The following GSTK1 variants were observed in gnomAD, a reference collection of about 807,000 sequenced individuals.
GSTK1 encodes GST class-kappa.
GSTK1 carries 25 observed loss-of-function variants against 30.9 expected under a neutral mutation model. The observed-to-expected ratio is 0.81, with a 90% CI of 0.59 to 1.13. The LOEUF (loss-of-function observed/expected upper bound fraction) is 1.13, where lower values mean the gene tolerates loss of function less well. Among genes scored for constraint, GSTK1 ranks in the 50% most tolerant of loss-of-function variants. GSTK1 has a pLI of 0.00. For synonymous variants in GSTK1, 108 were observed against 112.5 expected (o/e 0.96, Z 0.25); for missense variants, 292 against 292.4 (o/e 1.00, Z 0.01).
intron 5 of GSTK1, among the ~76,000 whole-genome samples, chr7:143,266,805 C>T (rs529781059): frequency 7.8e-4 from 119 of 151,682 alleles, no homozygotes; most frequent in Middle Eastern, 6.8e-3. Flanking sequence ...GGACTTCAAG[C>T]ATGTGCCACC....
Position 143,267,546 on chromosome 7 carries a change from C to T in GSTK1, c.421-71C>T, listed in dbSNP as rs1223271847. On this transcript the variant is annotated intron_variant, in intron 5 of 7. Coordinates refer to ENST00000358406, the MANE Select transcript of GSTK1 (RefSeq NM_015917.3). ...ACTTGGGGGCAGAAAATAAAAAGAC[C>T]AGAGTTTTCCTCTGAGATCCCCATC... The T allele has an allele frequency of 2.3e-5, 28 of 1,209,106 alleles. No individual in the cohort carries two copies. The Admixed American group carries it at 5.1e-4, about 22-fold the overall frequency. 74.9% of individuals were successfully genotyped at this position (1,209,106 alleles called of 1,614,324 possible).
rs74640886 is a variant in GSTK1, at chr7:143,264,546, A to G, written c.155-2A>G. The G allele has an allele frequency of 6.2e-7, 1 of 1,613,950 alleles. No homozygotes were observed. Among genetic ancestry groups the G allele is most frequent in the South Asian group, 1.1e-5 (1 of 91,076 alleles). On this transcript the variant is annotated splice_acceptor_variant, in intron 2 of 7. Transcript: ENST00000358406. LOFTEE classifies it high-confidence loss of function. ...TTAGCGTGCCCAACCTTCTCCTGGC[A>G]GGAAACAAGCCTCCAGGTCTGCTTC...
chr7:143,268,494 C>T lies in GSTK1; in HGVS notation c.632-294C>T, dbSNP rs1433249730. ...CGTCTCAAAAAATAAAAAGATTCAA[C>T]CCTGAGCTGCCTTTGACCCCAGCTC... On this transcript the variant is annotated intron_variant, in intron 7 of 7. Transcript: ENST00000358406. The surrounding 1 kb of genome is among the most constrained non-coding windows in gnomAD (Gnocchi z 4.1). Among the ~76,000 whole-genome samples, 1 of 152,018 alleles carries T rather than the reference C, an allele frequency of 6.6e-6. No individual in the cohort carries two copies. The highest frequency in any genetic ancestry group is 1.5e-5 in the Non-Finnish European group (1 of 67,990).
In GSTK1 at chr7:143,264,629, T is replaced by C. The variant is rs769068584; in HGVS notation, c.236T>C (p.Ile79Thr). The change falls in exon 3 of 8, where the codon ATT becomes ACT. Residue 79 changes from isoleucine (I) to threonine (T), a missense_variant. Ile to Thr is a moderately conservative substitution (Grantham distance 89, BLOSUM62 -1). Transcript: ENST00000358406. ...DLKLLRHHLQIPIHFPKDFLS... is the reference protein window; with the variant it reads ...DLKLLRHHLQTPIHFPKDFLS... Reference sequence around the variant, plus strand: ...AAGCTCCTGAGACACCATCTCCAGATTCCCATCCACTTCCCCAAGGATTTC... The same window carrying C: ...AAGCTCCTGAGACACCATCTCCAGACTCCCATCCACTTCCCCAAGGATTTC... 1 of 1,614,068 alleles carries C rather than the reference T, an allele frequency of 6.2e-7. No homozygotes were observed. Among genetic ancestry groups the C allele is most frequent in the Non-Finnish European group, 8.5e-7 (1 of 1,179,950 alleles).
At chr7:143,264,038 A>G (rs1476788666) in intron 1 of GSTK1, 48 bp from the exon 2 acceptor site, 1 of 1,558,846 alleles carries the variant, frequency 6.4e-7, no homozygotes, top group Non-Finnish European at 8.8e-7. Context: ...CGGCTCTTTC[A>G]CTTTTCCATC....
At chr7:143,264,460 G>C (rs967001366) in intron 2 of GSTK1, 88 bp from the exon 3 acceptor site, 2 of 1,336,944 alleles carry the variant, frequency 1.5e-6, no homozygotes, top group Admixed American at 4.1e-5. Flanking sequence ...AAAGGAAGCT[G>C]CCCTCTGCCC....
Position 143,264,123 on chromosome 7 carries a change from T to G in GSTK1, c.110T>G (p.Leu37Arg), listed in dbSNP as rs902055819. 8 of 1,613,896 alleles carry G rather than the reference T, an allele frequency of 5.0e-6. No homozygotes were observed. The highest frequency in any genetic ancestry group is 1.3e-5 in the African/African-American group (1 of 74,894). ...CRYQNIWNIN[L>R]QLRPSLITGI... is the part of the protein sequence containing the mutation. ...TATCAGAATATCTGGAACATCAACC[T>G]GCAGTTGCGGCCCAGCCTCATAACA... The change falls in exon 2 of 8, where the codon CTG (leucine) becomes CGG (arginine). Residue 37 changes from leucine to arginine, a missense_variant. Coordinates refer to ENST00000358406, the MANE Select transcript of GSTK1 (RefSeq NM_015917.3).
chr7:143,268,792 G>C lies in GSTK1; in HGVS notation c.636G>C (p.Glu212Asp). 6.2e-7 allele frequency: 1 copy of C among 1,613,958 alleles called. No individual in the cohort carries two copies. Among genetic ancestry groups the C allele is most frequent in the Non-Finnish European group, 8.5e-7 (1 of 1,179,850 alleles). Reference protein sequence around the residue: ...RMELLAHLLGEKWMGPIPPAV... With the variant: ...RMELLAHLLGDKWMGPIPPAV... ...TCTGTTGTTTTCTTCATCCAGGAGA[G>C]AAGTGGATGGGCCCTATACCTCCAG... Residue 212 changes from glutamate to aspartate, a missense_variant, in exon 8 of 8, where the codon GAG becomes GAC. Transcript: ENST00000358406. This position sits in a 1 kb window ranked among gnomAD's most constrained non-coding sequence, Gnocchi z 4.1.
chr7:143,265,797 A>T (rs1355199653), intron 5 of GSTK1, among the ~76,000 whole-genome samples: 1 of 152,214 alleles, frequency 6.6e-6, no homozygotes, highest in African/African-American at 2.4e-5. Flanking sequence ...GTATAAAAGT[A>T]AGTTTGTCTT....
In GSTK1 at chr7:143,265,262, A is replaced by G; in HGVS notation, c.386A>G (p.Asn129Ser). The G allele has an allele frequency of 1.9e-6, 3 of 1,605,354 alleles. No homozygotes were observed. The African/African-American group carries it at 4.0e-5, about 21-fold the overall frequency. ...CCTGCTGTCTTCTCTTCTTCCCAGA[A>G]TGAAGACATCACCGAGCCGCAGAGC... ...RELWMRVWSR[N>S]EDITEPQSIL... Residue 129 changes from asparagine to serine, a missense_variant and splice_region_variant, in exon 5 of 8, where the codon AAT becomes AGT. Transcript: ENST00000358406.
intron 6 of GSTK1, 74 bp downstream of exon 6, chr7:143,267,807 C>T (rs918945855): frequency 9.6e-7 from 1 of 1,038,986 alleles, no homozygotes; most frequent in African/African-American, 1.6e-5. Context: ...AGTTTGAGTC[C>T]TTATGCTCCT....
At chr7:143,266,148 A>AGAG (rs1019923051) in intron 5 of GSTK1, among the ~76,000 whole-genome samples, 1 of 148,066 alleles carries the variant, frequency 6.8e-6, no homozygotes, top group Non-Finnish European at 1.5e-5. Flanking sequence ...TTCCCACCTC[A>AGAG]GTCTCCTGAG....
chr7:143,265,865 A>G (rs1800860422), intron 5 of GSTK1, among the ~76,000 whole-genome samples: 2 of 152,162 alleles, frequency 1.3e-5, no homozygotes, highest in South Asian at 4.1e-4. Flanking sequence ...AAAAAAAAAT[A>G]GTTGAGACCT....
Position 143,264,653 on chromosome 7 carries a change from T to C in GSTK1, c.260T>C (p.Phe87Ser). Residue 87 changes from phenylalanine to serine, a missense_variant, in exon 3 of 8, where the codon TTC (phenylalanine) becomes TCC (serine). By Grantham distance (155) the Phe-to-Ser change is radical. Coordinates refer to ENST00000358406, the MANE Select transcript of GSTK1 (RefSeq NM_015917.3). ...ATTCCCATCCACTTCCCCAAGGATT[T>C]CTTGTCTGTGATGCTTGAAAAAGGT... is the stretch of plus-strand genomic sequence containing the variant. ...LQIPIHFPKD[F>S]LSVMLEKGSL... 6.2e-7 allele frequency: 1 copy of C among 1,614,116 alleles called. No homozygotes were observed. Among genetic ancestry groups the C allele is most frequent in the South Asian group, 1.1e-5 (1 of 91,076 alleles).
chr7:143,264,306 G>A, intron 2 of GSTK1, 139 bp downstream of exon 2: 1 of 815,116 alleles, frequency 1.2e-6, no homozygotes, highest in Non-Finnish European at 2.0e-6. Flanking sequence ...AGCCGGGCGT[G>A]GTAGTGCATG....
chr7:143,263,494 G>T lies in GSTK1; in HGVS notation c.-20G>T, dbSNP rs1250173304. The T allele has an allele frequency of 6.2e-7, 1 of 1,606,806 alleles. No individual in the cohort carries two copies. Reference sequence around the variant, plus strand: ...GGGAAAAGGAGCTCCTGCTGCCACTGCTCTTCCGGAGCCTGCAGCATGGGG... The same window carrying T: ...GGGAAAAGGAGCTCCTGCTGCCACTTCTCTTCCGGAGCCTGCAGCATGGGG... On this transcript the variant is annotated 5_prime_UTR_variant, in exon 1 of 8. Coordinates refer to ENST00000358406, the MANE Select transcript of GSTK1 (RefSeq NM_015917.3).
rs1202222894 is a variant in GSTK1 at position 143,268,225 on chromosome 7, G to A, written c.631+41G>A. The A allele has an allele frequency of 2.7e-6, 4 of 1,491,978 alleles. No homozygotes were observed. The highest frequency in any genetic ancestry group is 3.7e-6 in the Non-Finnish European group (4 of 1,076,132). 92.4% of individuals were successfully genotyped at this position (1,491,978 alleles called of 1,614,324 possible). On this transcript the variant is annotated intron_variant, in intron 7 of 7. Coordinates refer to ENST00000358406, the MANE Select transcript of GSTK1 (RefSeq NM_015917.3). The surrounding 1 kb of genome is among the most constrained non-coding windows in gnomAD (Gnocchi z 4.1). ...AATCAACCCTGAGCCAGGTGCAGTGGCTCACGCCTGTAATCCCAGCACTTT... is the reference window on the plus strand; with the variant it reads ...AATCAACCCTGAGCCAGGTGCAGTGACTCACGCCTGTAATCCCAGCACTTT...
chr7:143,264,734 G>C (rs1264461737), intron 3 of GSTK1, 58 bp downstream of exon 3: 14 of 1,604,148 alleles, frequency 8.7e-6, no homozygotes, highest in Non-Finnish European at 1.2e-5. Flanking sequence ...GTCGGAGATT[G>C]AGGGATTGAT....
intron 5 of GSTK1, among the ~76,000 whole-genome samples, chr7:143,267,013 T>C (rs1332280856): frequency 6.6e-6 from 1 of 152,092 alleles, no homozygotes; most frequent in Non-Finnish European, 1.5e-5. Context: ...CTCAGGAGTT[T>C]CAGATGGGCA....
Sources: gnomAD v4.1 joint callset for allele counts (sites outside exome capture counted in the v4.1 genomes callset) on GRCh38, gnomAD v4.1.1 for gene constraint, Gnocchi (gnomAD v3.1) non-coding constraint, MANE v1.5 for transcripts, NCBI Gene and HGNC (gene_info 2026-07-23, HGNC 2026-07-21) for gene names.